The following NCKAP1 variants were observed in gnomAD, a reference collection of about 807,000 sequenced individuals.
NCKAP1 encodes the protein NCK associated protein 1.
A neutral mutation model predicts 151.2 loss-of-function variants in NCKAP1; 21 were observed. The observed-to-expected ratio is 0.14, with a 90% CI of 0.10 to 0.20. The LOEUF is 0.20. Ranked by LOEUF, NCKAP1 falls within the 10% of genes least tolerant of loss-of-function variation. The pLI, the probability that NCKAP1 is intolerant of heterozygous loss-of-function variation, is 1.00. For synonymous variants in NCKAP1, 484 were observed against 451.8 expected (o/e 1.07, Z -0.90); for missense variants, 933 against 1,352.1 (o/e 0.69, Z 4.86).
rs1696823749 is a variant in NCKAP1 at position 182,934,156 on chromosome 2, GAGA to G, written c.2859+593_2859+595del. ...ATTGCTTCATCTTTCTTTTTTTTTT[GAGA>G]CGGAGTCTCATTCTGTTGCCCAGGC... On this transcript the variant is annotated intron_variant, in intron 26 of 30. Transcript: ENST00000361354. Among the ~76,000 whole-genome samples, 6 of 144,434 alleles carry G rather than the reference GAGA, an allele frequency of 4.2e-5. No homozygotes were observed. The South Asian group carries it at 1.3e-3, about 32-fold the overall frequency. The allele number at this position is 144,434 out of a possible 152,430, so 94.8% of individuals were successfully genotyped here.
chr2:182,935,451 C>G, intron 24 of NCKAP1, 76 bp from the exon 25 acceptor site: 2 of 805,172 alleles, frequency 2.5e-6, no homozygotes, highest in Non-Finnish European at 3.7e-6. Flanking sequence ...GGAAAAAAAT[C>G]TAAATTTATT....
At position 182,910,436 on chromosome 2, in the gene NCKAP1, T is replaced by C. The variant is rs1348025955; in HGVS notation, c.*15266A>G. 5 of 152,232 alleles carry C rather than the reference T, an allele frequency of 3.3e-5. No individual in the cohort carries two copies. Among genetic ancestry groups the C allele is most frequent in the Admixed American group, 6.5e-5 (1 of 15,288 alleles). The allele number at this position is 152,232 out of a possible 1,614,324, so 9.4% of individuals were successfully genotyped here. A position where few individuals can be genotyped will look rare whatever the true frequency, so the allele number is the denominator to read the frequency against. Reference sequence around the variant, plus strand: ...TAAATTGGGCATGGATGTTAATGTATACTCATATGTGCCCACAACAGTTGG... The same window carrying C: ...TAAATTGGGCATGGATGTTAATGTACACTCATATGTGCCCACAACAGTTGG... On this transcript the variant is annotated 3_prime_UTR_variant, in exon 31 of 31. Transcript: ENST00000361354.
chr2:183,026,927 G>C (rs564504348), intron 1 of NCKAP1, among the ~76,000 whole-genome samples: 2 of 152,234 alleles, frequency 1.3e-5, no homozygotes, highest in East Asian at 3.9e-4. Context: ...CATAGTAACA[G>C]TCTTTATCAT....
intron 1 of NCKAP1, among the ~76,000 whole-genome samples, chr2:183,027,381 C>T (rs1698918309): frequency 6.6e-6 from 1 of 152,086 alleles, no homozygotes; most frequent in African/African-American, 2.4e-5. Flanking sequence ...TACTAGGCCC[C>T]ATCTTATCTT....
At chr2:183,005,762 C>T (rs762571541) in intron 2 of NCKAP1, among the ~76,000 whole-genome samples, 11 of 152,134 alleles carry the variant, frequency 7.2e-5, no homozygotes, top group Non-Finnish European at 1.0e-4. Context: ...ACACTACATA[C>T]GGTAGCCAAA....
chr2:182,995,095 A>G (rs1698243081), intron 7 of NCKAP1, among the ~76,000 whole-genome samples: 1 of 152,194 alleles, frequency 6.6e-6, no homozygotes, highest in South Asian at 2.1e-4. Flanking sequence ...CCCCTTTCAC[A>G]TCTGCATACC....
At chr2:182,946,814 A>G (rs1480528131) in intron 23 of NCKAP1, among the ~76,000 whole-genome samples, 1 of 152,162 alleles carries the variant, frequency 6.6e-6, no homozygotes, top group Non-Finnish European at 1.5e-5. Context: ...GAAGATGGAA[A>G]CTAGAGCAAA....
intron 28 of NCKAP1, 69 bp downstream of exon 28, chr2:182,928,714 C>T (rs1696698847): frequency 9.2e-7 from 1 of 1,089,468 alleles, no homozygotes; most frequent in African/African-American, 1.6e-5. Context: ...GAACTTAACT[C>T]ATATTTTATT....
chr2:183,003,168 CACACA>C, intron 3 of NCKAP1, 60 bp downstream of exon 3: 2 of 1,245,830 alleles, frequency 1.6e-6, no homozygotes, highest in South Asian at 2.9e-5. Context: ...CACAGCAATT[CACACA>C]ATTAATAAAC....
chr2:183,020,771 C>A (rs924115753), intron 2 of NCKAP1, among the ~76,000 whole-genome samples: 1 of 152,154 alleles, frequency 6.6e-6, no homozygotes, highest in Non-Finnish European at 1.5e-5. Context: ...ACGCTACTAT[C>A]TTTTCCAGTC....
At position 182,957,584 on chromosome 2, in the gene NCKAP1, G is replaced by A. The variant is rs1697351583; in HGVS notation, c.1894C>T (p.His632Tyr). The A allele has an allele frequency of 6.2e-7, 1 of 1,610,800 alleles. No individual in the cohort carries two copies. Among genetic ancestry groups the A allele is most frequent in the African/African-American group, 1.3e-5 (1 of 74,676 alleles). The change falls in exon 19 of 31, where the codon CAT becomes TAT. Residue 632 changes from histidine (H) to tyrosine (Y), a missense_variant. Physicochemically the swap from His to Tyr is moderately conservative, Grantham distance 83 (BLOSUM62 2). Transcript: ENST00000361354. ...CTLSDQLLPK[H>Y]CAKTISQAVN... ...GCTTGACTGATAGTTTTGGCACAAT[G>A]CTTGGGTAGCAACTAAATTTAGAAA...
chr2:183,029,444 G>T (rs1341804333), intron 1 of NCKAP1, among the ~76,000 whole-genome samples: 1 of 148,608 alleles, frequency 6.7e-6, no homozygotes, highest in Non-Finnish European at 1.5e-5. Flanking sequence ...ATTTTTCCAA[G>T]AACTTACCAT....
chr2:183,036,196 T>C (rs535344543), intron 1 of NCKAP1, among the ~76,000 whole-genome samples: 148 of 152,310 alleles, frequency 9.7e-4, no homozygotes, highest in African/African-American at 3.5e-3. Flanking sequence ...CAGAATTTCA[T>C]TTAATCTTAT....
In NCKAP1 at chr2:182,911,886, G is replaced by A. The variant is rs1696402370; in HGVS notation, c.*13816C>T. On this transcript the variant is annotated 3_prime_UTR_variant, in exon 31 of 31. Transcript: ENST00000361354. The stretch of plus-strand genomic sequence containing the variant: ...TTAGAAAGCAGTAACTGCATTTCTG[G>A]TAGGCCTTTCTGATAGGTCACTTGA... 1 of 133,326 alleles carries A rather than the reference G, an allele frequency of 7.5e-6. No individual in the cohort carries two copies. Among genetic ancestry groups the A allele is most frequent in the African/African-American group, 2.6e-5 (1 of 38,980 alleles). The allele number at this position is 133,326 out of a possible 1,614,324, so 8.3% of individuals were successfully genotyped here.
chr2:183,019,348 GAAAAAAAAAGTTT>G (rs1698752496), intron 2 of NCKAP1, among the ~76,000 whole-genome samples: 1 of 150,066 alleles, frequency 6.7e-6, no homozygotes, highest in South Asian at 2.1e-4. Flanking sequence ...ATAGGAAAGA[GAAAAAAAAAGTTT>G]AAAAAATATT....
At position 182,963,064 on chromosome 2, in the gene NCKAP1, T is replaced by C. The variant is rs1275473807; in HGVS notation, c.1762-786A>G. 2.6e-5 allele frequency among the ~76,000 whole-genome samples: 4 copies of C among 152,042 alleles called. No homozygotes were observed. In the East Asian group the frequency reaches 7.7e-4, roughly 29 times the overall value. On this transcript the variant is annotated intron_variant, in intron 17 of 30. Coordinates refer to ENST00000361354, the MANE Select transcript of NCKAP1 (RefSeq NM_013436.5). ...GTAGAGCTTACATACAGTATTTATA[T>C]GATGAAATAAGTGTAAAATACATAA...
At chr2:182,986,772 T>C (rs971291189) in intron 9 of NCKAP1, among the ~76,000 whole-genome samples, 1 of 152,194 alleles carries the variant, frequency 6.6e-6, no homozygotes, top group African/African-American at 2.4e-5. Context: ...TTTTAAGCTA[T>C]GTATTTTTTT....
intron 23 of NCKAP1, among the ~76,000 whole-genome samples, chr2:182,950,313 T>C (rs1225312029): frequency 6.6e-6 from 1 of 152,088 alleles, no homozygotes. Context: ...CAAAAAATAA[T>C]ACAGATAATT....
rs1699144449 is a variant in NCKAP1, at chr2:183,038,178, G to C, written c.-79C>G. The C allele has an allele frequency of 2.9e-6, 3 of 1,026,344 alleles. No homozygotes were observed. Among genetic ancestry groups the C allele is most frequent in the African/African-American group, 1.7e-5 (1 of 58,770 alleles). The allele number at this position is 1,026,344 out of a possible 1,614,324, so 63.6% of individuals were successfully genotyped here. ...CGCGGCCTTCGCAGCAGCCTCTCTC[G>C]GGCCTCCTCCCCTCCCGCCCGCGAC... On this transcript the variant is annotated 5_prime_UTR_variant, in exon 1 of 31. Transcript: ENST00000361354.
Sources: allele counts gnomAD v4.1 joint callset (sites outside exome capture counted in the v4.1 genomes callset), GRCh38; gene constraint gnomAD v4.1.1; transcripts MANE v1.5; gene names NCBI Gene and HGNC (gene_info 2026-07-23, HGNC 2026-07-21).